Variants in FER observed in about 807,000 individuals in gnomAD.
FER encodes tyrosine-protein kinase Fer.
In FER, 63 loss-of-function variants were observed where a neutral mutation model predicts 111.0. The observed-to-expected ratio is 0.57, with a 90% CI of 0.46 to 0.70. The LOEUF (loss-of-function observed/expected upper bound fraction) is 0.70, where lower values mean the gene tolerates loss of function less well. Ranked by LOEUF, FER falls within the 30% of genes least tolerant of loss-of-function variation. The pLI, the probability that FER is intolerant of heterozygous loss-of-function variation, is 0.00. For synonymous variants in FER, 327 were observed against 313.9 expected (o/e 1.04, Z -0.44); for missense variants, 914 against 954.0 (o/e 0.96, Z 0.55).
intron 13 of FER, among the ~76,000 whole-genome samples, chr5:109,023,877 G>T (rs978408050): frequency 3.3e-5 from 5 of 152,040 alleles, no homozygotes; most frequent in Admixed American, 6.6e-5. Flanking sequence ...AGAGATGATG[G>T]ACTCCCCTTT....
At chr5:109,140,035 A>G (rs545082478) in intron 17 of FER, among the ~76,000 whole-genome samples, 6 of 152,254 alleles carry the variant, frequency 3.9e-5, no homozygotes, top group African/African-American at 1.4e-4. Context: ...TTTAGTGCCT[A>G]GTAAACAAAC....
rs1773784784 is a variant in FER, at chr5:109,057,356, A to G, written c.1924+10158A>G. On this transcript the variant is annotated intron_variant, in intron 16 of 19. Transcript: ENST00000281092. ...AACTAAAAGCTAGTCCTTTGAGAAG[A>G]TTAGTAAAATTGATGAACGTCTTCC... 2.0e-5 allele frequency among the ~76,000 whole-genome samples: 3 copies of G among 152,342 alleles called. No individual in the cohort carries two copies. The South Asian group carries it at 6.2e-4, about 32-fold the overall frequency.
intron 8 of FER, among the ~76,000 whole-genome samples, chr5:108,881,467 C>G (rs1360512652): frequency 6.6e-6 from 1 of 152,110 alleles, no homozygotes; most frequent in African/African-American, 2.4e-5. Context: ...CCCACTGGGT[C>G]CCTCTCACAA....
At chr5:109,093,172 G>T (rs1223080596) in intron 16 of FER, among the ~76,000 whole-genome samples, 1 of 152,134 alleles carries the variant, frequency 6.6e-6, no homozygotes, top group Non-Finnish European at 1.5e-5. Flanking sequence ...TTCTAGAGAT[G>T]TGTTGTACAA....
At position 109,044,205 on chromosome 5, in the gene FER, G is replaced by T. The variant is rs1309112763; in HGVS notation, c.1714-475G>T. Among the ~76,000 whole-genome samples, 7 of 148,826 alleles carry T rather than the reference G, an allele frequency of 4.7e-5. No individual in the cohort carries two copies. The South Asian group carries it at 1.5e-3, about 32-fold the overall frequency. On this transcript the variant is annotated intron_variant, in intron 14 of 19. Coordinates refer to ENST00000281092, the MANE Select transcript of FER (RefSeq NM_005246.4). The stretch of plus-strand genomic sequence containing the variant: ...GCCTTTTTTTTTTTTTGGAGACAGA[G>T]TCTTGCTCTGTTGCCCAGGCTGGAG...
At chr5:109,138,333 G>A (rs1309259878) in intron 17 of FER, among the ~76,000 whole-genome samples, 2 of 152,120 alleles carry the variant, frequency 1.3e-5, no homozygotes, top group African/African-American at 4.8e-5. Context: ...TAGGGGAAAT[G>A]GGAATATGTT....
chr5:109,101,172 C>T (rs1458060393), intron 17 of FER, among the ~76,000 whole-genome samples: 1 of 151,816 alleles, frequency 6.6e-6, no homozygotes, highest in Non-Finnish European at 1.5e-5. Context: ...TGCTAAATGT[C>T]AGTACAATTT....
intron 17 of FER, among the ~76,000 whole-genome samples, chr5:109,111,223 G>C (rs1479452413): frequency 6.6e-6 from 1 of 152,110 alleles, no homozygotes; most frequent in African/African-American, 2.4e-5. Context: ...TTTATGACTT[G>C]TAAATGAACA....
intron 10 of FER, among the ~76,000 whole-genome samples, chr5:108,912,572 GGCTGGTTTCGA>G (rs1422167870): frequency 1.3e-5 from 2 of 152,176 alleles, no homozygotes; most frequent in Admixed American, 1.3e-4. Flanking sequence ...ATGTTGGCCA[GGCTGGTTTCGA>G]ACTCTGACCT....
At chr5:108,807,209 C>T (rs1757296832) in intron 3 of FER, among the ~76,000 whole-genome samples, 1 of 152,172 alleles carries the variant, frequency 6.6e-6, no homozygotes. Flanking sequence ...TTCTCCTTGC[C>T]CTCCACTATG....
chr5:108,995,228 T>C (rs1192923902), intron 13 of FER, among the ~76,000 whole-genome samples: 2 of 152,202 alleles, frequency 1.3e-5, no homozygotes, highest in African/African-American at 4.8e-5. Flanking sequence ...CCATTCAGTA[T>C]GGTATTGACT....
intron 13 of FER, among the ~76,000 whole-genome samples, chr5:108,970,642 G>A (rs952536216): frequency 1.3e-5 from 2 of 152,150 alleles, no homozygotes; most frequent in Admixed American, 1.3e-4. Context: ...CGCAGTATGT[G>A]TTACGGGAAT....
At chr5:108,876,749 T>C (rs928796604) in intron 8 of FER, among the ~76,000 whole-genome samples, 1 of 152,204 alleles carries the variant, frequency 6.6e-6, no homozygotes, top group Non-Finnish European at 1.5e-5. Context: ...TGTGAAAGAC[T>C]TAAAATTTTA....
chr5:108,932,389 C>T (rs565235203), intron 10 of FER, among the ~76,000 whole-genome samples: 16 of 152,208 alleles, frequency 1.1e-4, no homozygotes, highest in Admixed American at 5.9e-4. Flanking sequence ...CCATGGTGTG[C>T]ATGTGCCACA....
chr5:109,098,042 A>T (rs1046172455), intron 16 of FER, among the ~76,000 whole-genome samples: 2 of 151,834 alleles, frequency 1.3e-5, no homozygotes, highest in Non-Finnish European at 2.9e-5. Context: ...AATTGTTCTA[A>T]GGCAGAAATA....
chr5:109,145,038 T>G (rs1264006780), intron 17 of FER, among the ~76,000 whole-genome samples: 5 of 151,936 alleles, frequency 3.3e-5, no homozygotes, highest in Non-Finnish European at 7.4e-5. Flanking sequence ...TTTAGTTGTT[T>G]TTTTTTTTAT....
At chr5:109,011,844 G>C (rs1766312963) in intron 13 of FER, among the ~76,000 whole-genome samples, 1 of 152,134 alleles carries the variant, frequency 6.6e-6, no homozygotes, top group Non-Finnish European at 1.5e-5. Flanking sequence ...AATTTTCTTT[G>C]ATTGTGGAAA....
At chr5:108,767,556 C>T (rs1379063126) in intron 1 of FER, among the ~76,000 whole-genome samples, 1 of 152,176 alleles carries the variant, frequency 6.6e-6, no homozygotes, top group Non-Finnish European at 1.5e-5. Context: ...ATGATCATGG[C>T]TCACTGCAGC....
chr5:108,985,194 A>G (rs939645602), intron 13 of FER, among the ~76,000 whole-genome samples: 1 of 152,192 alleles, frequency 6.6e-6, no homozygotes, highest in African/African-American at 2.4e-5. Flanking sequence ...GTTTTTAAAA[A>G]TAAATGTAAA....
Sources: gnomAD v4.1 joint callset for allele counts (sites outside exome capture counted in the v4.1 genomes callset) on GRCh38, gnomAD v4.1.1 for gene constraint, MANE v1.5 for transcripts, NCBI Gene and HGNC (gene_info 2026-07-23, HGNC 2026-07-21) for gene names.